The following TNFRSF8 variants were observed in gnomAD, a reference collection of about 807,000 sequenced individuals.
The protein encoded by TNFRSF8 is tumor necrosis factor receptor superfamily member 8.
Under a neutral mutation model 70.8 loss-of-function variants are expected in TNFRSF8, and 26 were observed. That is an observed-to-expected ratio of 0.37 (90% CI 0.27 to 0.51). The LOEUF (loss-of-function observed/expected upper bound fraction) is 0.51. Ranked by LOEUF, TNFRSF8 falls within the 20% of genes least tolerant of loss-of-function variation. The probability of loss-of-function intolerance (pLI) is 0.94; values close to 1 mark genes in which losing one functional copy is unlikely to be tolerated. For missense variants in TNFRSF8, 720 were observed against 807.9 expected, an observed-to-expected ratio of 0.89 and a Z score of 1.32; for synonymous variants, 356 against 339.2, an observed-to-expected ratio of 1.05 and a Z score of -0.54.
At chr1:12,129,247 A>G (rs959619391) in intron 12 of TNFRSF8, among the ~76,000 whole-genome samples, 3 of 152,226 alleles carry the variant, frequency 2.0e-5, no homozygotes, top group Admixed American at 2.0e-4. Flanking sequence ...TCAAACTTAT[A>G]GAAATGGTAT....
At position 12,110,201 on chromosome 1, in the gene TNFRSF8, C is replaced by T. The variant is rs1210635347; in HGVS notation, c.673C>T (p.Pro225Ser). ...CTCTGTGGGAAGGCCTAGTTCAGAT[C>T]CAGGTAATTTCCCCATGAAGCTGTG... is the stretch of plus-strand genomic sequence containing the variant. The part of the protein sequence containing the change: ...PSSVGRPSSD[P>S]GLSPTQPCPE... The change falls in exon 6 of 15, where the codon CCA becomes TCA. Residue 225 changes from proline (P) to serine (S), a missense_variant. By Grantham distance (74) the Pro-to-Ser change is moderately conservative (BLOSUM62 -1). Coordinates refer to ENST00000263932, the MANE Select transcript of TNFRSF8 (RefSeq NM_001243.5). The surrounding 1 kb of genome is among the most constrained non-coding windows in gnomAD (Gnocchi z 4.0). The T allele has an allele frequency of 6.3e-7, 1 of 1,582,216 alleles. No homozygotes were observed. Among genetic ancestry groups the T allele is most frequent in the African/African-American group, 1.4e-5 (1 of 74,064 alleles).
Position 12,115,491 on chromosome 1 carries a change from T to C in TNFRSF8, c.794-86T>C. 3 of 1,459,006 alleles carry C rather than the reference T, an allele frequency of 2.1e-6. No individual in the cohort carries two copies. The South Asian group carries it at 3.4e-5, about 17-fold the overall frequency. 90.4% of individuals were successfully genotyped at this position (1,459,006 alleles called of 1,614,324 possible). A position where few individuals can be genotyped will look rare whatever the true frequency, so the allele number is the denominator to read the frequency against. On this transcript the variant is annotated intron_variant, in intron 7 of 14. Transcript: ENST00000263932. ...TCTTGTTGGATGACCCTTGGACAAC[T>C]GCTTCTCTGTCTTCCTGGGGGCTCT...
chr1:12,142,880 C>T lies in TNFRSF8; in HGVS notation c.*349C>T, dbSNP rs191772362. On this transcript the variant is annotated 3_prime_UTR_variant, in exon 15 of 15. Transcript: ENST00000263932. The surrounding 1 kb of genome is among the most constrained non-coding windows in gnomAD (Gnocchi z 5.0). ...AGCCCTGGGCATCAGACCTTAACCA[C>T]CAGGCCCACAGCCCAGCGAGGGAGA... 1.9e-3 allele frequency: 423 copies of T among 221,940 alleles called. No homozygotes were observed. The highest frequency in any genetic ancestry group is 3.1e-3 in the Middle Eastern group (2 of 636). The allele number at this position is 221,940 out of a possible 1,614,324, so 13.7% of individuals were successfully genotyped here. A position where few individuals can be genotyped will look rare whatever the true frequency, so the allele number is the denominator to read the frequency against.
chr1:12,123,228 C>G (rs997138312), intron 8 of TNFRSF8, 56 bp from the exon 9 acceptor site: 31 of 1,501,326 alleles, frequency 2.1e-5, no homozygotes, highest in Non-Finnish European at 2.8e-5. Context: ...TTAACTCTTT[C>G]CTGGAGACAC....
chr1:12,115,498 C>G (rs939086760), intron 7 of TNFRSF8, 79 bp from the exon 8 acceptor site: 2 of 1,514,648 alleles, frequency 1.3e-6, no homozygotes, highest in South Asian at 1.1e-5. Context: ...AACTGCTTCT[C>G]TGTCTTCCTG....
intron 10 of TNFRSF8, among the ~76,000 whole-genome samples, chr1:12,125,327 CCTGGG>C (rs1028177708): frequency 1.3e-5 from 2 of 152,202 alleles, no homozygotes; most frequent in Non-Finnish European, 2.9e-5. Context: ...CCTGGCCTGG[CCTGGG>C]CTGGGGCTCT....
At chr1:12,093,800 G>A (rs1475100838) in intron 2 of TNFRSF8, among the ~76,000 whole-genome samples, 1 of 152,122 alleles carries the variant, frequency 6.6e-6, no homozygotes, top group Non-Finnish European at 1.5e-5. Context: ...GCTGGGTGCG[G>A]TGGCTCACGC....
chr1:12,094,472 T>C (rs1641296226), intron 2 of TNFRSF8, among the ~76,000 whole-genome samples: 1 of 152,082 alleles, frequency 6.6e-6, no homozygotes, highest in African/African-American at 2.4e-5. Context: ...CGAACCTCAC[T>C]AGCCATGGTA....
At position 12,142,902 on chromosome 1, in the gene TNFRSF8, G is replaced by C. The variant is rs1487568558; in HGVS notation, c.*371G>C. On this transcript the variant is annotated 3_prime_UTR_variant, in exon 15 of 15. Transcript: ENST00000263932. This position sits in a 1 kb window ranked among gnomAD's most constrained non-coding sequence, Gnocchi z 5.0. ...CCACCAGGCCCACAGCCCAGCGAGG[G>C]AGAGGTCGTGAGGCCAGCTCCCGGG... The C allele has an allele frequency of 5.0e-6, 1 of 198,508 alleles. No homozygotes were observed. Among genetic ancestry groups the C allele is most frequent in the African/African-American group, 2.3e-5 (1 of 42,958 alleles). The allele number at this position is 198,508 out of a possible 1,614,324, so 12.3% of individuals were successfully genotyped here. A position where few individuals can be genotyped will look rare whatever the true frequency, so the allele number is the denominator to read the frequency against.
intron 8 of TNFRSF8, among the ~76,000 whole-genome samples, chr1:12,116,181 A>G (rs4846092): frequency 0.055 from 8,365 of 152,020 alleles, 294 homozygotes; most frequent in East Asian, 0.078. Flanking sequence ...CGGTTTCTCC[A>G]TGTTGGTCAG....
chr1:12,098,940 A>G (rs984794652), intron 3 of TNFRSF8, among the ~76,000 whole-genome samples: 3 of 152,336 alleles, frequency 2.0e-5, no homozygotes, highest in East Asian at 1.9e-4. Flanking sequence ...ATCTGCAACC[A>G]TAAGTCCCTT....
rs752373833 is a variant in TNFRSF8, at chr1:12,142,381, C to G, written c.1638C>G (p.Pro546=). Residue 546 remains proline, a synonymous_variant, in exon 15 of 15, where the codon CCC becomes CCG. Transcript: ENST00000263932. This position sits in a 1 kb window ranked among gnomAD's most constrained non-coding sequence, Gnocchi z 5.0. ...GGGGCCTGGCGGGGCCAGCAGAGCC[C>G]GAGTTGGAGGAGGAGCTGGAGGCGG... ...EGRGLAGPAE[P]ELEEELEADH... is the part of the protein sequence containing the mutation. The G allele has an allele frequency of 1.2e-6, 2 of 1,611,806 alleles. No homozygotes were observed. The highest frequency in any genetic ancestry group is 1.1e-5 in the South Asian group (1 of 90,676).
At chr1:12,084,783 G>A (rs1251408754) in intron 2 of TNFRSF8, among the ~76,000 whole-genome samples, 1 of 152,196 alleles carries the variant, frequency 6.6e-6, no homozygotes, top group Non-Finnish European at 1.5e-5. Flanking sequence ...ATCTCCATGA[G>A]TTTTTATTTT....
intron 1 of TNFRSF8, among the ~76,000 whole-genome samples, chr1:12,078,999 G>A (rs949736237): frequency 3.0e-4 from 46 of 152,176 alleles, no homozygotes; most frequent in Admixed American, 1.0e-3. Flanking sequence ...ATAACAGAGC[G>A]CACAGCGGTG....
intron 12 of TNFRSF8, among the ~76,000 whole-genome samples, chr1:12,129,118 C>G (rs1037557751): frequency 1.3e-5 from 2 of 152,120 alleles, no homozygotes; most frequent in Non-Finnish European, 2.9e-5. Context: ...CAGGCATGAG[C>G]CACCATGCCT....
intron 1 of TNFRSF8, among the ~76,000 whole-genome samples, chr1:12,072,479 C>G (rs1216596494): frequency 6.6e-6 from 1 of 152,154 alleles, no homozygotes; most frequent in African/African-American, 2.4e-5. Flanking sequence ...TGATGAGGCT[C>G]TGCACCACAG....
chr1:12,097,220 A>T lies in TNFRSF8; in HGVS notation c.268+3A>T. Reference sequence around the variant, plus strand: ...AGCCTGCGTGACTTGTTCTCGAGGTAAGGGCCTTGTTCTCTCTCCAGGGCC... The same window carrying T: ...AGCCTGCGTGACTTGTTCTCGAGGTTAGGGCCTTGTTCTCTCTCCAGGGCC... On this transcript the variant is annotated splice_donor_region_variant and intron_variant, in intron 3 of 14. Coordinates refer to ENST00000263932, the MANE Select transcript of TNFRSF8 (RefSeq NM_001243.5). The T allele has an allele frequency of 1.6e-5, 26 of 1,612,672 alleles. No homozygotes were observed. The highest frequency in any genetic ancestry group is 2.1e-5 in the Non-Finnish European group (25 of 1,178,858).
intron 3 of TNFRSF8, among the ~76,000 whole-genome samples, chr1:12,104,156 T>A (rs565092132): frequency 6.6e-6 from 1 of 152,358 alleles, no homozygotes; most frequent in Admixed American, 6.5e-5. Context: ...TTTAGCAATA[T>A]GTATCTAAGT....
At chr1:12,125,295 C>T (rs1258908218) in intron 10 of TNFRSF8, among the ~76,000 whole-genome samples, 3 of 152,202 alleles carry the variant, frequency 2.0e-5, no homozygotes, top group South Asian at 2.1e-4. Context: ...GGGTTAAGAG[C>T]GTGGCCCTGC....
Sources: gnomAD v4.1 joint callset for allele counts (sites outside exome capture counted in the v4.1 genomes callset) on GRCh38, gnomAD v4.1.1 for gene constraint, Gnocchi (gnomAD v3.1) non-coding constraint, MANE v1.5 for transcripts, NCBI Gene and HGNC (gene_info 2026-07-23, HGNC 2026-07-21) for gene names.